CAMTA1: variants seen among roughly 807,000 people sequenced by gnomAD.
CAMTA1 encodes the protein calmodulin binding transcription activator 1, also known as calmodulin-binding transcription activator 1.
In CAMTA1, 27 loss-of-function variants were observed where a neutral mutation model predicts 170.9. The ratio of observed to expected loss-of-function variants is 0.16; its 90% CI spans 0.12 to 0.22. CAMTA1 has a LOEUF of 0.22. Ranked by LOEUF, CAMTA1 falls within the 10% of genes least tolerant of loss-of-function variation. The pLI is 1.00. For missense variants in CAMTA1, 1,619 were observed against 2,217.2 expected (o/e 0.73, Z 5.42); for synonymous variants, 833 against 891.5 (o/e 0.93, Z 1.17).
At position 7,063,052 on chromosome 1, in the gene CAMTA1, CAT is replaced by C. The variant is rs966583629; in HGVS notation, c.235-28249_235-28248del. Among the ~76,000 whole-genome samples, 9 of 152,306 alleles carry C rather than the reference CAT, an allele frequency of 5.9e-5. No individual in the cohort carries two copies. The highest frequency in any genetic ancestry group is 2.2e-4 in the African/African-American group (9 of 41,574). On this transcript the variant is annotated intron_variant, in intron 3 of 22. Transcript: ENST00000303635. This position sits in a 1 kb window ranked among gnomAD's most constrained non-coding sequence, Gnocchi z 4.3. ...GTGGGTACAGGGGTTAGGACTTCAA[CAT>C]ATCTTTTTGGGGAACACGGATTCAT...
At chr1:7,127,757 A>T (rs970931182) in intron 4 of CAMTA1, among the ~76,000 whole-genome samples, 1 of 152,226 alleles carries the variant, frequency 6.6e-6, no homozygotes, top group African/African-American at 2.4e-5. Flanking sequence ...AACAGGCAAG[A>T]GGACCTAGCC....
intron 1 of CAMTA1, among the ~76,000 whole-genome samples, chr1:6,807,435 C>G (rs1323354300): frequency 6.6e-6 from 1 of 152,094 alleles, no homozygotes; most frequent in East Asian, 1.9e-4. Flanking sequence ...GAAATCTAGG[C>G]TTTTGGTTGA....
intron 6 of CAMTA1, among the ~76,000 whole-genome samples, chr1:7,508,721 G>A (rs1027377952): frequency 1.3e-5 from 2 of 152,094 alleles, no homozygotes; most frequent in African/African-American, 4.8e-5. Flanking sequence ...AAGGTTGGAA[G>A]GGTGGAGGGA....
rs182149663 is a variant in CAMTA1 at position 7,173,857 on chromosome 1, A to T, written c.303-75634A>T. ...CCCCAGCAGAACTTAGCAGAACCCA[A>T]AAAGGCCCAGTGGAACCCAGGGGAC... On this transcript the variant is annotated intron_variant, in intron 4 of 22. Transcript: ENST00000303635. The surrounding 1 kb of genome is among the most constrained non-coding windows in gnomAD (Gnocchi z 5.4). Among the ~76,000 whole-genome samples the T allele has an allele frequency of 6.6e-6, 1 of 152,088 alleles. No homozygotes were observed. The highest frequency in any genetic ancestry group is 6.5e-5 in the Admixed American group (1 of 15,272).
At chr1:7,506,884 C>T (rs1049715922) in intron 6 of CAMTA1, among the ~76,000 whole-genome samples, 3 of 151,998 alleles carry the variant, frequency 2.0e-5, no homozygotes, top group Non-Finnish European at 4.4e-5. Context: ...TACTAACACT[C>T]AAAATTCACA....
intron 11 of CAMTA1, among the ~76,000 whole-genome samples, chr1:7,703,997 CTCCCCAAAGCCGGAGCCGCCGCCACCG>C (rs2096473004): frequency 6.6e-6 from 1 of 152,040 alleles, no homozygotes; most frequent in Non-Finnish European, 1.5e-5. Context: ...GCCGCACCCC[CTCCCCAAAGCCGGAGCCGCCGCCACCG>C]TCCCCGCCCA....
In CAMTA1 at chr1:6,971,954, G is replaced by T. The variant is rs1352060960; in HGVS notation, c.235-119350G>T. 2.0e-5 allele frequency among the ~76,000 whole-genome samples: 3 copies of T among 152,220 alleles called. No individual in the cohort carries two copies. Among genetic ancestry groups the T allele is most frequent in the African/African-American group, 7.2e-5 (3 of 41,458 alleles). ...GGCAGGTGCTGAGGGTTGGCCTTGT[G>T]TTCTGGACAGGCCGTGAGCAGGAGA... is the stretch of plus-strand genomic sequence containing the variant. On this transcript the variant is annotated intron_variant, in intron 3 of 22. Transcript: ENST00000303635. This position sits in a 1 kb window ranked among gnomAD's most constrained non-coding sequence, Gnocchi z 4.6.
chr1:7,358,313 G>A (rs2085280777), intron 5 of CAMTA1, among the ~76,000 whole-genome samples: 1 of 152,188 alleles, frequency 6.6e-6, no homozygotes, highest in African/African-American at 2.4e-5. Context: ...CTATTATCTA[G>A]AAGTCATGGA....
chr1:6,837,147 G>A lies in CAMTA1; in HGVS notation c.234+11937G>A, dbSNP rs370032463. On this transcript the variant is annotated intron_variant, in intron 3 of 22. Transcript: ENST00000303635. ...TTTTTTGTATTTTTTTAGTAGAGAT[G>A]GGGTTTCACTGTGTTAGCCAGGATG... is the stretch of plus-strand genomic sequence containing the variant. 1.8e-4 allele frequency among the ~76,000 whole-genome samples: 27 copies of A among 152,152 alleles called. 1 individual carries two copies. The South Asian group carries it at 4.6e-3, about 26-fold the overall frequency.
chr1:7,491,455 G>T (rs906130780), intron 6 of CAMTA1, among the ~76,000 whole-genome samples: 1 of 152,232 alleles, frequency 6.6e-6, no homozygotes, highest in Non-Finnish European at 1.5e-5. Context: ...ACAGAGGGAA[G>T]ATGGTTCCGG....
chr1:7,048,915 C>A (rs985658350), intron 3 of CAMTA1, among the ~76,000 whole-genome samples: 1 of 152,188 alleles, frequency 6.6e-6, no homozygotes. Context: ...AGCCGTCAAC[C>A]TGTGTTGCAA....
chr1:7,141,396 T>G (rs1349074011), intron 4 of CAMTA1, among the ~76,000 whole-genome samples: 1 of 152,152 alleles, frequency 6.6e-6, no homozygotes, highest in Non-Finnish European at 1.5e-5. Context: ...TAATTTGAGG[T>G]CTCATTCTCT....
intron 3 of CAMTA1, among the ~76,000 whole-genome samples, chr1:6,986,059 G>A (rs1695305528): frequency 6.6e-6 from 1 of 152,164 alleles, no homozygotes; most frequent in Non-Finnish European, 1.5e-5. Flanking sequence ...GTGGTTCCTC[G>A]GGACAGCCCC....
intron 11 of CAMTA1, among the ~76,000 whole-genome samples, chr1:7,701,196 T>C (rs950566593): frequency 6.6e-6 from 1 of 152,178 alleles, no homozygotes; most frequent in African/African-American, 2.4e-5. Flanking sequence ...TTTGAGCAAG[T>C]TATCTGACTT....
intron 4 of CAMTA1, among the ~76,000 whole-genome samples, chr1:7,214,549 G>T (rs943289601): frequency 2.0e-5 from 3 of 152,010 alleles, no homozygotes; most frequent in Non-Finnish European, 2.9e-5. Flanking sequence ...TGTGTTTTTA[G>T]TAGAGACAGG....
chr1:7,540,190 A>C (rs2094593149), intron 6 of CAMTA1, among the ~76,000 whole-genome samples: 1 of 152,140 alleles, frequency 6.6e-6, no homozygotes, highest in African/African-American at 2.4e-5. Context: ...CTGGTGCATA[A>C]GTGCGACTCA....
intron 5 of CAMTA1, among the ~76,000 whole-genome samples, chr1:7,316,516 A>G (rs976933203): frequency 1.3e-5 from 2 of 152,218 alleles, no homozygotes; most frequent in Non-Finnish European, 2.9e-5. Flanking sequence ...AGTGGTATTT[A>G]TTGCTGTTGC....
chr1:7,483,282 C>T (rs1239437635), intron 6 of CAMTA1, among the ~76,000 whole-genome samples: 1 of 152,158 alleles, frequency 6.6e-6, no homozygotes, highest in African/African-American at 2.4e-5. Context: ...GCTTCAGCCA[C>T]GAGAAGTTTA....
chr1:7,097,478 G>A (rs1270074326), intron 4 of CAMTA1, among the ~76,000 whole-genome samples: 2 of 152,224 alleles, frequency 1.3e-5, no homozygotes, highest in East Asian at 3.9e-4. Context: ...TCAGGCCCCA[G>A]GCTGGTCCTG....
Sources: gnomAD v4.1 joint callset for allele counts (sites outside exome capture counted in the v4.1 genomes callset) on GRCh38, gnomAD v4.1.1 for gene constraint, Gnocchi (gnomAD v3.1) non-coding constraint, MANE v1.5 for transcripts, NCBI Gene and HGNC (gene_info 2026-07-23, HGNC 2026-07-21) for gene names.